Variants in L2HGDH observed in about 807,000 individuals in gnomAD.
L2HGDH encodes L-2-hydroxyglutarate dehydrogenase, also known as L-2-hydroxyglutarate dehydrogenase, mitochondrial.
L2HGDH carries 34 observed loss-of-function variants against 51.5 expected under a neutral mutation model. That is an observed-to-expected ratio of 0.66 (90% CI 0.50 to 0.88). The LOEUF (loss-of-function observed/expected upper bound fraction) is 0.88, where lower values mean the gene tolerates loss of function less well. L2HGDH is among the 40% of genes least tolerant of loss of function. The pLI, the probability that L2HGDH is intolerant of heterozygous loss-of-function variation, is 0.00. For missense variants in L2HGDH, 558 were observed against 571.9 expected, an observed-to-expected ratio of 0.98 and a Z score of 0.25; for synonymous variants, 198 against 197.9, an observed-to-expected ratio of 1.00 and a Z score of -0.01.
intron 5 of L2HGDH, among the ~76,000 whole-genome samples, chr14:50,280,890 C>A (rs1337410939): frequency 6.6e-6 from 1 of 152,168 alleles, no homozygotes; most frequent in Non-Finnish European, 1.5e-5. Flanking sequence ...TTATAGCTCA[C>A]TGCAGCCTCA....
At position 50,248,628 on chromosome 14, in the gene L2HGDH, T is replaced by C. The variant is rs541304266; in HGVS notation, c.1197-1375A>G. On this transcript the variant is annotated intron_variant, in intron 9 of 9. Transcript: ENST00000267436. ...GAATTATAACAGTAAGAGTGAAAGGTTGTATGATAAAGATAAGTGATCTTC... is the reference window on the plus strand; with the variant it reads ...GAATTATAACAGTAAGAGTGAAAGGCTGTATGATAAAGATAAGTGATCTTC... Among the ~76,000 whole-genome samples, 32 of 152,214 alleles carry C rather than the reference T, an allele frequency of 2.1e-4. 1 individual carries two copies. In the East Asian group the frequency reaches 5.8e-3, roughly 27 times the overall value.
chr14:50,301,656 G>C (rs1375550698), intron 3 of L2HGDH, among the ~76,000 whole-genome samples: 1 of 152,176 alleles, frequency 6.6e-6, no homozygotes, highest in Non-Finnish European at 1.5e-5. Context: ...GTGGTTGCTA[G>C]GGCATCGGGG....
At chr14:50,295,394 T>C (rs1188715902) in intron 3 of L2HGDH, among the ~76,000 whole-genome samples, 1 of 151,908 alleles carries the variant, frequency 6.6e-6, no homozygotes, top group Non-Finnish European at 1.5e-5. Flanking sequence ...TTTGTATCTA[T>C]TTTTAAAATT....
intron 9 of L2HGDH, among the ~76,000 whole-genome samples, chr14:50,258,486 G>C (rs1888805905): frequency 6.6e-6 from 1 of 151,140 alleles, no homozygotes; most frequent in Non-Finnish European, 1.5e-5. Context: ...GTCTCCCAAA[G>C]TGCTGGGATT....
At chr14:50,256,566 T>A (rs1408829280) in intron 9 of L2HGDH, among the ~76,000 whole-genome samples, 9 of 152,100 alleles carry the variant, frequency 5.9e-5, no homozygotes, top group East Asian at 1.9e-4. Flanking sequence ...ATAGATTTTT[T>A]TAAATCCAAC....
chr14:50,308,829 T>G (rs74963451), intron 1 of L2HGDH, among the ~76,000 whole-genome samples: 1 of 152,368 alleles, frequency 6.6e-6, no homozygotes, highest in East Asian at 1.9e-4. Context: ...GTAGCTTTAT[T>G]CGTAATAGCC....
At chr14:50,308,173 C>T (rs1339743814) in intron 1 of L2HGDH, among the ~76,000 whole-genome samples, 1 of 152,154 alleles carries the variant, frequency 6.6e-6, no homozygotes, top group Non-Finnish European at 1.5e-5. Flanking sequence ...GGCGGATCAC[C>T]TGACGTCAGG....
chr14:50,249,882 C>CTTTTTTTTTTT (rs747924080), intron 9 of L2HGDH, among the ~76,000 whole-genome samples: 3 of 68,912 alleles, frequency 4.4e-5, no homozygotes, highest in African/African-American at 5.6e-5. Flanking sequence ...GCTTACACTC[C>CTTTTTTTTTTT]TTTTTTTTTT....
chr14:50,262,816 TTAA>T (rs375603225), intron 9 of L2HGDH, among the ~76,000 whole-genome samples: 1 of 151,986 alleles, frequency 6.6e-6, no homozygotes, highest in African/African-American at 2.4e-5. Flanking sequence ...TTTCCTGCAC[TTAA>T]TAACTATAGG....
chr14:50,266,782 T>C (rs1412181280), intron 8 of L2HGDH, among the ~76,000 whole-genome samples: 2 of 152,054 alleles, frequency 1.3e-5, no homozygotes, highest in Admixed American at 6.6e-5. Flanking sequence ...TAGCTTTAAA[T>C]CTAGTGATTT....
chr14:50,311,103 C>A (rs1330576032), intron 1 of L2HGDH, among the ~76,000 whole-genome samples: 1 of 151,892 alleles, frequency 6.6e-6, no homozygotes, highest in Non-Finnish European at 1.5e-5. Flanking sequence ...CCACGCCAGG[C>A]TAATTTTTTT....
At position 50,308,363 on chromosome 14, in the gene L2HGDH, G is replaced by A. The variant is rs373887927; in HGVS notation, c.140+3648C>T. Among the ~76,000 whole-genome samples, 10 of 149,532 alleles carry A rather than the reference G, an allele frequency of 6.7e-5. No homozygotes were observed. The East Asian group carries it at 1.8e-3, about 26-fold the overall frequency. On this transcript the variant is annotated intron_variant, in intron 1 of 9. Coordinates refer to ENST00000267436, the MANE Select transcript of L2HGDH (RefSeq NM_024884.3). ...GACCGCGCCACTGCGCTCCAGCCTGGGCAACAAGGCGAAACTCCATCTCAG... is the reference window on the plus strand; with the variant it reads ...GACCGCGCCACTGCGCTCCAGCCTGAGCAACAAGGCGAAACTCCATCTCAG...
At chr14:50,261,195 A>G (rs1889001776) in intron 9 of L2HGDH, among the ~76,000 whole-genome samples, 1 of 152,186 alleles carries the variant, frequency 6.6e-6, no homozygotes, top group African/African-American at 2.4e-5. Flanking sequence ...CAATAGCATC[A>G]AGACTGAGAA....
chr14:50,295,724 A>G (rs1006903172), intron 3 of L2HGDH, among the ~76,000 whole-genome samples: 1 of 148,686 alleles, frequency 6.7e-6, no homozygotes, highest in African/African-American at 2.5e-5. Context: ...GTCCAGCCCT[A>G]CAATTTTTTT....
chr14:50,253,279 C>G (rs1395571186), intron 9 of L2HGDH, among the ~76,000 whole-genome samples: 2 of 152,062 alleles, frequency 1.3e-5, no homozygotes. Flanking sequence ...ATGCAAACTA[C>G]TCATCTGACA....
At chr14:50,270,173 T>A (rs1889587650) in intron 6 of L2HGDH, among the ~76,000 whole-genome samples, 1 of 152,262 alleles carries the variant, frequency 6.6e-6, no homozygotes, top group Non-Finnish European at 1.5e-5. Context: ...CACACTACGT[T>A]CAACGTTTGC....
rs138638930 is a variant in L2HGDH, at chr14:50,250,655, G to C, written c.1197-3402C>G. ...TGCAGTCCCAGTGGTGGTGGCCACA[G>C]GAGTGCTTGCATCACCACACCCCCC... On this transcript the variant is annotated intron_variant, in intron 9 of 9. Coordinates refer to ENST00000267436, the MANE Select transcript of L2HGDH (RefSeq NM_024884.3). Among the ~76,000 whole-genome samples the C allele has an allele frequency of 3.8e-3, 582 of 152,308 alleles. 3 individuals carry two copies. Among genetic ancestry groups the C allele is most frequent in the Non-Finnish European group, 5.6e-3 (383 of 68,018 alleles).
Position 50,302,169 on chromosome 14 carries a change from C to T in L2HGDH, c.257-1G>A. The T allele has an allele frequency of 6.2e-7, 1 of 1,613,880 alleles. No homozygotes were observed. The highest frequency in any genetic ancestry group is 8.5e-7 in the Non-Finnish European group (1 of 1,179,864). ...CTGTTATGTCCAGTCTGGTGAACAG[C>T]TACAGAACAAGAGAAACAGGGTAAG... is the stretch of plus-strand genomic sequence containing the variant. On this transcript the variant is annotated splice_acceptor_variant, in intron 2 of 9. Transcript: ENST00000267436. LOFTEE classifies it high-confidence loss of function.
intron 9 of L2HGDH, among the ~76,000 whole-genome samples, chr14:50,258,125 C>CA (rs1888785741): frequency 1.3e-5 from 2 of 151,396 alleles, no homozygotes; most frequent in Non-Finnish European, 2.9e-5. Context: ...AATGAACTCC[C>CA]ATGTATGTAT....
Sources: allele counts gnomAD v4.1 joint callset (sites outside exome capture counted in the v4.1 genomes callset), GRCh38; gene constraint gnomAD v4.1.1; transcripts MANE v1.5; gene names NCBI Gene and HGNC (gene_info 2026-07-23, HGNC 2026-07-21).